RAD54L2: variants seen among roughly 807,000 people sequenced by gnomAD.
RAD54L2 encodes the protein helicase ARIP4.
In RAD54L2, 27 loss-of-function variants were observed where a neutral mutation model predicts 138.4. That is an observed-to-expected ratio of 0.20 (90% CI 0.14 to 0.27). The LOEUF is 0.27. Among genes scored for constraint, RAD54L2 ranks in the 10% least tolerant of loss-of-function variants. The probability of loss-of-function intolerance (pLI) is 1.00; values close to 1 mark genes in which losing one functional copy is unlikely to be tolerated. For missense variants in RAD54L2, 1,396 were observed against 1,890.2 expected (o/e 0.74, Z 4.85); for synonymous variants, 644 against 723.2 (o/e 0.89, Z 1.76).
At chr3:51,586,605 G>A (rs916652359) in intron 2 of RAD54L2, among the ~76,000 whole-genome samples, 32 of 134,294 alleles carry the variant, frequency 2.4e-4, no homozygotes, top group Non-Finnish European at 3.6e-4. Flanking sequence ...TTTCACTCTT[G>A]TTGCCCAGGC....
chr3:51,646,432 G>C lies in RAD54L2; in HGVS notation c.2977G>C (p.Ala993Pro). 6.2e-7 allele frequency: 1 copy of C among 1,613,378 alleles called. No individual in the cohort carries two copies. The highest frequency in any genetic ancestry group is 1.1e-5 in the South Asian group (1 of 90,958). The part of the protein sequence containing the change: ...TRPSYAQYYP[A>P]SDQSLTSIPA... ...CCCATCGTATGCGCAGTATTACCCT[G>C]CCAGCGATCAGAGCCTGACCAGCAT... is the stretch of plus-strand genomic sequence containing the variant. The change falls in exon 19 of 23, where the codon GCC becomes CCC. Residue 993 changes from alanine to proline, a missense_variant. Physicochemically the swap from Ala to Pro is conservative, Grantham distance 27. Coordinates refer to ENST00000684192, the MANE Select transcript of RAD54L2 (RefSeq NM_015106.4).
At chr3:51,551,279 C>T (rs1466146078) in intron 2 of RAD54L2, among the ~76,000 whole-genome samples, 2 of 151,912 alleles carry the variant, frequency 1.3e-5, no homozygotes, top group African/African-American at 4.8e-5. Context: ...GCCACAGGTG[C>T]ATGCCACCAT....
rs1421094326 is a variant in RAD54L2, at chr3:51,590,571, CTA to C, written c.139+14_139+15del. 1 of 1,552,264 alleles carries C rather than the reference CTA, an allele frequency of 6.4e-7. No individual in the cohort carries two copies. Among genetic ancestry groups the C allele is most frequent in the Admixed American group, 2.0e-5 (1 of 50,974 alleles). On this transcript the variant is annotated intron_variant, in intron 3 of 22. Coordinates refer to ENST00000684192, the MANE Select transcript of RAD54L2 (RefSeq NM_015106.4). ...AGACCTGCTGGATGGTAAGTGGGCT[CTA>C]TTGAGTGACAGAAGTTGCCTTATAT... is the stretch of plus-strand genomic sequence containing the variant.
intron 2 of RAD54L2, among the ~76,000 whole-genome samples, chr3:51,553,146 C>T (rs190142671): frequency 1.5e-4 from 23 of 152,096 alleles, no homozygotes; most frequent in South Asian, 2.1e-4. Context: ...GGCGCAATCT[C>T]GGCTCACTGC....
At chr3:51,641,621 G>T in intron 14 of RAD54L2, 128 bp from the exon 15 acceptor site, 1 of 631,920 alleles carries the variant, frequency 1.6e-6, no homozygotes. Flanking sequence ...CCAACCTAGA[G>T]TTACCTCTTT....
At chr3:51,594,066 C>CTTTTTTTTTTTTTTTTTTTTTTTTTTTTG in intron 3 of RAD54L2, among the ~76,000 whole-genome samples, 1 of 105,138 alleles carries the variant, frequency 9.5e-6, no homozygotes, top group African/African-American at 3.6e-5. Flanking sequence ...TTTTCTTTTT[C>CTTTTTTTTTTTTTTTTTTTTTTTTTTTTG]TTTTTTTTTT....
chr3:51,637,598 A>G lies in RAD54L2; in HGVS notation c.1682+95A>G. 1 of 1,257,838 alleles carries G rather than the reference A, an allele frequency of 8.0e-7. No homozygotes were observed. The allele number at this position is 1,257,838 out of a possible 1,614,324, so 77.9% of individuals were successfully genotyped here. A position where few individuals can be genotyped will look rare whatever the true frequency, so the allele number is the denominator to read the frequency against. On this transcript the variant is annotated intron_variant, in intron 11 of 22. Transcript: ENST00000684192. This position sits in a 1 kb window ranked among gnomAD's most constrained non-coding sequence, Gnocchi z 5.9. ...GTTATACAGGATAGGGTGTTGGAGT[A>G]GGAGGGCCCCTTCCCTGGGGCAGTA...
chr3:51,656,984 G>A (rs1336423728), intron 20 of RAD54L2, among the ~76,000 whole-genome samples: 3 of 152,094 alleles, frequency 2.0e-5, no homozygotes, highest in Non-Finnish European at 4.4e-5. Flanking sequence ...CAATCCACCC[G>A]CCTTGGCCTC....
intron 7 of RAD54L2, among the ~76,000 whole-genome samples, chr3:51,632,164 T>C (rs1276021396): frequency 6.6e-6 from 1 of 152,278 alleles, no homozygotes; most frequent in Non-Finnish European, 1.5e-5. Context: ...GATTTCATTT[T>C]TCGTGGCTGA....
Position 51,629,392 on chromosome 3 carries a change from T to G in RAD54L2, c.400T>G (p.Leu134Val). Residue 134 changes from leucine (L) to valine (V), a missense_variant, in exon 5 of 23, where the codon TTG becomes GTG. Transcript: ENST00000684192. The stretch of plus-strand genomic sequence containing the variant: ...TACCAAAGCAGCACAGCAAGAAGAG[T>G]TGGAAAGAAGGAAGCGCCTGGAGCA... ...PVTKAAQQEELERRKRLEQQR... is the reference protein window; with the variant it reads ...PVTKAAQQEEVERRKRLEQQR... The G allele has an allele frequency of 6.2e-7, 1 of 1,606,072 alleles. No individual in the cohort carries two copies. The highest frequency in any genetic ancestry group is 8.5e-7 in the Non-Finnish European group (1 of 1,176,498).
intron 2 of RAD54L2, among the ~76,000 whole-genome samples, chr3:51,558,837 T>C (rs1699032423): frequency 1.3e-5 from 2 of 152,076 alleles, no homozygotes; most frequent in Admixed American, 1.3e-4. Flanking sequence ...AATACATTCC[T>C]TAATAGAAAT....
At chr3:51,587,484 T>A (rs1024277075) in intron 2 of RAD54L2, among the ~76,000 whole-genome samples, 2 of 152,218 alleles carry the variant, frequency 1.3e-5, no homozygotes, top group Non-Finnish European at 2.9e-5. Flanking sequence ...GAATTTGTAT[T>A]TGTCGATCAC....
At chr3:51,639,796 G>A in intron 13 of RAD54L2, 85 bp from the exon 14 acceptor site, 1 of 1,487,388 alleles carries the variant, frequency 6.7e-7, no homozygotes, top group Non-Finnish European at 9.1e-7. Flanking sequence ...GGTGGCCAGT[G>A]AGCTGCTGCC....
chr3:51,602,432 G>T (rs1700099796), intron 3 of RAD54L2, among the ~76,000 whole-genome samples: 1 of 152,140 alleles, frequency 6.6e-6, no homozygotes, highest in African/African-American at 2.4e-5. Flanking sequence ...CTACTCTCCA[G>T]CCCACAGATC....
chr3:51,655,198 G>A (rs1701566460), intron 19 of RAD54L2, among the ~76,000 whole-genome samples: 1 of 150,480 alleles, frequency 6.6e-6, no homozygotes, highest in Non-Finnish European at 1.5e-5. Flanking sequence ...GAACATAACA[G>A]TCTTAAGGGT....
intron 19 of RAD54L2, among the ~76,000 whole-genome samples, chr3:51,647,027 T>C (rs1253520353): frequency 6.6e-6 from 1 of 152,134 alleles, no homozygotes; most frequent in Non-Finnish European, 1.5e-5. Flanking sequence ...TTGTAAGATA[T>C]TATAGAACAG....
intron 3 of RAD54L2, among the ~76,000 whole-genome samples, chr3:51,603,684 GAATA>G (rs1700122891): frequency 1.3e-5 from 2 of 151,988 alleles, no homozygotes; most frequent in Non-Finnish European, 2.9e-5. Context: ...ATAAACAAAT[GAATA>G]AATAAATAAT....
At chr3:51,614,090 T>G (rs1300910128) in intron 3 of RAD54L2, among the ~76,000 whole-genome samples, 1 of 152,052 alleles carries the variant, frequency 6.6e-6, no homozygotes, top group Admixed American at 6.6e-5. Context: ...TTAAAAATGG[T>G]TTGTAGTTGT....
At chr3:51,590,974 G>T (rs1178895365) in intron 3 of RAD54L2, among the ~76,000 whole-genome samples, 2 of 152,166 alleles carry the variant, frequency 1.3e-5, no homozygotes, top group Non-Finnish European at 2.9e-5. Context: ...ACATACAATT[G>T]TGCTTGTGTG....
Sources: gnomAD v4.1 joint callset for allele counts (sites outside exome capture counted in the v4.1 genomes callset) on GRCh38, gnomAD v4.1.1 for gene constraint, Gnocchi (gnomAD v3.1) non-coding constraint, MANE v1.5 for transcripts, NCBI Gene and HGNC (gene_info 2026-07-23, HGNC 2026-07-21) for gene names.